STXBP5L: variants seen among roughly 807,000 people sequenced by gnomAD.
STXBP5L encodes syntaxin binding protein 5L.
In STXBP5L, 65 loss-of-function variants were observed where a neutral mutation model predicts 144.5. The ratio of observed to expected loss-of-function variants is 0.45; its 90% confidence interval spans 0.37 to 0.55. The LOEUF is 0.55. STXBP5L is among the 20% of genes least tolerant of loss of function. The pLI is 0.00. For missense variants in STXBP5L, 1,298 were observed against 1,405.5 expected (o/e 0.92, Z 1.22); for synonymous variants, 505 against 469.6 (o/e 1.08, Z -0.97).
intron 2 of STXBP5L, among the ~76,000 whole-genome samples, chr3:120,932,055 A>G (rs565601196): frequency 6.6e-6 from 1 of 152,298 alleles, no homozygotes; most frequent in Non-Finnish European, 1.5e-5. Flanking sequence ...AAACCTATAT[A>G]GCATGTTGCT....
At chr3:121,284,274 A>G (rs2051158983) in intron 19 of STXBP5L, among the ~76,000 whole-genome samples, 1 of 151,934 alleles carries the variant, frequency 6.6e-6, no homozygotes, top group African/African-American at 2.4e-5. Context: ...TCTTAAGCCA[A>G]ATTTTTGTAT....
rs186109322 is a variant in STXBP5L, at chr3:121,412,695, A to G, written c.2949-463A>G. On this transcript the variant is annotated intron_variant, in intron 23 of 26. Transcript: ENST00000471454. ...TATAAACAAATTTGTAAACATTACT[A>G]TTTCTGATGAAAATAAAGTTGTTTC... 8.2e-5 allele frequency among the ~76,000 whole-genome samples: 10 copies of G among 121,390 alleles called. No individual in the cohort carries two copies. The Admixed American group carries it at 9.7e-4, about 12-fold the overall frequency. 79.6% of individuals were successfully genotyped at this position (121,390 alleles called of 152,430 possible). A position where few individuals can be genotyped will look rare whatever the true frequency, so the allele number is the denominator to read the frequency against.
intron 9 of STXBP5L, among the ~76,000 whole-genome samples, chr3:121,161,832 T>C (rs1008307812): frequency 2.0e-5 from 3 of 152,274 alleles, no homozygotes; most frequent in African/African-American, 7.2e-5. Flanking sequence ...AGTGAAAATT[T>C]TGCTCAGAAG....
chr3:121,158,970 A>C (rs1211469534), intron 9 of STXBP5L: 1 of 152,098 alleles, frequency 6.6e-6, no homozygotes, highest in African/African-American at 2.4e-5. Context: ...TGTTCAACAC[A>C]TCAGCCTTGA....
In STXBP5L at chr3:121,256,102, G is replaced by A. The variant is rs368714511; in HGVS notation, c.1659+990G>A. On this transcript the variant is annotated intron_variant, in intron 16 of 26. Coordinates refer to ENST00000471454, the MANE Select transcript of STXBP5L (RefSeq NM_001308330.2). The stretch of plus-strand genomic sequence containing the variant: ...TAGCTATGATTCAGTTTCATCACAT[G>A]TACAATTCCCTGTGTAAATAAAATG... Among the ~76,000 whole-genome samples the A allele has an allele frequency of 2.6e-5, 4 of 152,134 alleles. No homozygotes were observed. In the East Asian group the frequency reaches 7.7e-4, roughly 29 times the overall value.
chr3:121,332,149 A>T (rs1278873838), intron 20 of STXBP5L, among the ~76,000 whole-genome samples: 1 of 151,994 alleles, frequency 6.6e-6, no homozygotes, highest in African/African-American at 2.4e-5. Flanking sequence ...GTTTACCCAA[A>T]TGAGAAGGAA....
intron 20 of STXBP5L, among the ~76,000 whole-genome samples, chr3:121,319,335 A>G (rs1470545254): frequency 6.6e-6 from 1 of 152,166 alleles, no homozygotes; most frequent in Non-Finnish European, 1.5e-5. Flanking sequence ...ACAAATTTAT[A>G]AAAGTTTAAT....
intron 20 of STXBP5L, 25 bp from the exon 21 acceptor site, chr3:121,378,691 T>C (rs1199942420): frequency 1.2e-6 from 2 of 1,609,014 alleles, no homozygotes; most frequent in Admixed American, 1.7e-5. Context: ...ATTATATGTA[T>C]GCTGCCTTCC....
intron 19 of STXBP5L, among the ~76,000 whole-genome samples, chr3:121,289,328 G>A (rs188379813): frequency 6.6e-6 from 1 of 152,120 alleles, no homozygotes; most frequent in Admixed American, 6.6e-5. Flanking sequence ...TATGATAAAA[G>A]GACTAGTCCA....
At chr3:121,366,652 T>C (rs182640728) in intron 20 of STXBP5L, among the ~76,000 whole-genome samples, 1 of 152,196 alleles carries the variant, frequency 6.6e-6, no homozygotes, top group Admixed American at 6.5e-5. Flanking sequence ...AGTGAGTCTG[T>C]TATAAACCAT....
At chr3:121,326,476 A>G (rs1349664821) in intron 20 of STXBP5L, among the ~76,000 whole-genome samples, 5 of 152,120 alleles carry the variant, frequency 3.3e-5, no homozygotes, top group African/African-American at 9.7e-5. Context: ...CTAATTAATC[A>G]GTAAATAGAT....
At chr3:121,297,601 A>C (rs181038839) in intron 19 of STXBP5L, among the ~76,000 whole-genome samples, 1 of 152,116 alleles carries the variant, frequency 6.6e-6, no homozygotes, top group Non-Finnish European at 1.5e-5. Flanking sequence ...TAAAAATACA[A>C]AAATTAGCTG....
chr3:121,317,629 C>T (rs2043828539), intron 19 of STXBP5L, among the ~76,000 whole-genome samples: 1 of 152,054 alleles, frequency 6.6e-6, no homozygotes, highest in Admixed American at 6.6e-5. Flanking sequence ...AAAAGAAAGT[C>T]TGTGAGACTT....
chr3:121,171,320 C>A (rs542214646), intron 9 of STXBP5L, among the ~76,000 whole-genome samples: 43 of 152,244 alleles, frequency 2.8e-4, no homozygotes, highest in Non-Finnish European at 5.1e-4. Context: ...CATCTCTCAC[C>A]ACTGCTATTC....
chr3:121,017,788 G>A (rs1470185310), intron 3 of STXBP5L, among the ~76,000 whole-genome samples: 2 of 129,674 alleles, frequency 1.5e-5, no homozygotes, highest in Admixed American at 1.4e-4. Context: ...CTAAATAAAT[G>A]GGGGGGTGGT....
chr3:121,314,694 G>A (rs542101183), intron 19 of STXBP5L, among the ~76,000 whole-genome samples: 14 of 152,146 alleles, frequency 9.2e-5, no homozygotes, highest in African/African-American at 3.4e-4. Flanking sequence ...AGAGTGAACA[G>A]GCAACCTACA....
chr3:121,182,501 C>T (rs2047198177), intron 9 of STXBP5L, among the ~76,000 whole-genome samples: 1 of 151,944 alleles, frequency 6.6e-6, no homozygotes, highest in Non-Finnish European at 1.5e-5. Context: ...TTATCAAGAC[C>T]TTTGGGATAA....
intron 3 of STXBP5L, among the ~76,000 whole-genome samples, chr3:120,998,280 G>A (rs1414952876): frequency 6.6e-6 from 1 of 152,148 alleles, no homozygotes; most frequent in Admixed American, 6.6e-5. Context: ...TAGGAAGAGA[G>A]GAAGTTAAAT....
chr3:121,371,972 A>G (rs761125658), intron 20 of STXBP5L, among the ~76,000 whole-genome samples: 12 of 152,166 alleles, frequency 7.9e-5, no homozygotes, highest in Non-Finnish European at 1.6e-4. Flanking sequence ...TTACGCTGGC[A>G]GGGAAGGGAA....
Sources: gnomAD v4.1 joint callset for allele counts (sites outside exome capture counted in the v4.1 genomes callset) on GRCh38, gnomAD v4.1.1 for gene constraint, MANE v1.5 for transcripts, NCBI Gene and HGNC (gene_info 2026-07-23, HGNC 2026-07-21) for gene names.